FBLN2: variants seen among roughly 807,000 people sequenced by gnomAD.
FBLN2 encodes the protein fibulin-2.
In FBLN2, 81 loss-of-function variants were observed where a neutral mutation model predicts 123.7. The observed-to-expected ratio is 0.65, with a 90% CI of 0.55 to 0.79. The LOEUF (loss-of-function observed/expected upper bound fraction) is 0.79, where lower values mean the gene tolerates loss of function less well. Ranked by LOEUF, FBLN2 falls within the 30% of genes least tolerant of loss-of-function variation. The probability of loss-of-function intolerance (pLI) is 0.00; values close to 1 mark genes in which losing one functional copy is unlikely to be tolerated. For missense variants in FBLN2, 1,603 were observed against 1,681.3 expected (o/e 0.95, Z 0.81); for synonymous variants, 699 against 701.4 (o/e 1.00, Z 0.05).
intron 1 of FBLN2, among the ~76,000 whole-genome samples, chr3:13,564,319 A>G (rs1574945351): frequency 6.6e-6 from 1 of 152,208 alleles, no homozygotes; most frequent in Middle Eastern, 3.4e-3. Context: ...CCCTGCTGCC[A>G]TCCCTAGCAG....
At chr3:13,630,052 C>T in intron 14 of FBLN2, 107 bp downstream of exon 14, 2 of 1,468,780 alleles carry the variant, frequency 1.4e-6, no homozygotes, top group Non-Finnish European at 1.8e-6. Context: ...TACACCTTCA[C>T]CCTCACACCT....
chr3:13,637,544 G>C lies in FBLN2; in HGVS notation c.3339-18G>C. 1.3e-6 allele frequency: 2 copies of C among 1,579,192 alleles called. No homozygotes were observed. The highest frequency in any genetic ancestry group is 1.7e-6 in the Non-Finnish European group (2 of 1,158,914). On this transcript the variant is annotated intron_variant, in intron 17 of 17. Coordinates refer to ENST00000404922, the MANE Select transcript of FBLN2 (RefSeq NM_001004019.2). ...GGGGTGGGCGAGCTGTGGGTGACCC[G>C]GCCTATCCTCCCTGCAGGAAGTGCG...
chr3:13,601,731 G>A (rs12634469), intron 2 of FBLN2, among the ~76,000 whole-genome samples: 17,959 of 152,268 alleles, frequency 0.12, 1,212 homozygotes, highest in East Asian at 0.35. Flanking sequence ...CATTGCAAAG[G>A]AGGAAACAGA....
intron 2 of FBLN2, among the ~76,000 whole-genome samples, chr3:13,573,867 T>C (rs1574952846): frequency 7.9e-6 from 1 of 127,024 alleles, no homozygotes; most frequent in African/African-American, 3.2e-5. Context: ...GCCATTGCAC[T>C]CCAGCCTGGG....
chr3:13,615,958 C>T (rs1705586914), intron 5 of FBLN2, among the ~76,000 whole-genome samples: 1 of 152,224 alleles, frequency 6.6e-6, no homozygotes, highest in Non-Finnish European at 1.5e-5. Flanking sequence ...CTGCTGTCCA[C>T]AGGTGCCAGG....
At position 13,619,769 on chromosome 3, in the gene FBLN2, G is replaced by A. The variant is rs201170077; in HGVS notation, c.2093G>A (p.Gly698Asp). The stretch of plus-strand genomic sequence containing the variant: ...AAGCAGGTGTGCAGCACTGTTGGGG[G>A]CTCAGCCATATGCTCCTGTTTTCCC... ...PCKQVCSTVG[G>D]SAICSCFPGY... is the part of the protein sequence containing the mutation. Residue 698 changes from glycine (G) to aspartate (D), a missense_variant, in exon 8 of 18, where the codon GGC (glycine) becomes GAC (aspartate). By Grantham distance (94) the Gly-to-Asp change is moderately conservative. Coordinates refer to ENST00000404922, the MANE Select transcript of FBLN2 (RefSeq NM_001004019.2). The A allele has an allele frequency of 7.9e-5, 128 of 1,613,202 alleles. No individual in the cohort carries two copies. In the African/African-American group the frequency reaches 1.5e-3, roughly 19 times the overall value.
intron 16 of FBLN2, among the ~76,000 whole-genome samples, chr3:13,635,402 A>C (rs1405515221): frequency 6.7e-6 from 1 of 149,674 alleles, no homozygotes; most frequent in East Asian, 1.9e-4. Context: ...ACACACACCC[A>C]CACACACCCC....
At chr3:13,573,817 C>A (rs1033034772) in intron 2 of FBLN2, among the ~76,000 whole-genome samples, 11 of 150,064 alleles carry the variant, frequency 7.3e-5, no homozygotes, top group African/African-American at 2.7e-4. Flanking sequence ...GCAGGAGAAT[C>A]ACCACCTGGG....
intron 5 of FBLN2, among the ~76,000 whole-genome samples, chr3:13,614,999 TC>T (rs2124888440): frequency 6.6e-6 from 1 of 152,126 alleles, no homozygotes; most frequent in South Asian, 2.1e-4. Context: ...CATCCATCCA[TC>T]CATCCATCCA....
intron 2 of FBLN2, among the ~76,000 whole-genome samples, chr3:13,592,264 A>C (rs903658822): frequency 2.0e-5 from 3 of 151,628 alleles, no homozygotes; most frequent in Non-Finnish European, 4.4e-5. Context: ...GACCTCAAGC[A>C]ATCCACCCAC....
chr3:13,632,342 G>T (rs1706285338), intron 16 of FBLN2, among the ~76,000 whole-genome samples: 1 of 152,230 alleles, frequency 6.6e-6, no homozygotes, highest in Non-Finnish European at 1.5e-5. Flanking sequence ...CTCACACATG[G>T]AGCTGAGAAC....
intron 2 of FBLN2, among the ~76,000 whole-genome samples, chr3:13,581,513 G>GT (rs1704327728): frequency 6.6e-6 from 1 of 152,066 alleles, no homozygotes; most frequent in Non-Finnish European, 1.5e-5. Context: ...TATGCGTGCC[G>GT]TAAACCTCAA....
chr3:13,627,711 C>A, intron 10 of FBLN2, 121 bp from the exon 11 acceptor site: 3 of 1,298,372 alleles, frequency 2.3e-6, no homozygotes, highest in Non-Finnish European at 3.1e-6. Context: ...GCCAGCTTCC[C>A]AGGGAGATCT....
intron 1 of FBLN2, among the ~76,000 whole-genome samples, chr3:13,550,782 A>T (rs570790333): frequency 1.2e-4 from 19 of 152,174 alleles, no homozygotes; most frequent in Non-Finnish European, 2.6e-4. Flanking sequence ...GAGCTGTGTG[A>T]TGGGGGTGAG....
At chr3:13,614,369 T>C (rs1435792871) in intron 5 of FBLN2, among the ~76,000 whole-genome samples, 1 of 152,110 alleles carries the variant, frequency 6.6e-6, no homozygotes, top group Non-Finnish European at 1.5e-5. Context: ...CATCACCCTT[T>C]CACTGTCCAC....
intron 16 of FBLN2, among the ~76,000 whole-genome samples, chr3:13,632,137 G>A (rs2124910772): frequency 6.6e-6 from 1 of 152,344 alleles, no homozygotes; most frequent in Non-Finnish European, 1.5e-5. Context: ...TCTAAGTTCA[G>A]TGCCATTTGC....
Position 13,626,566 on chromosome 3 carries a change from T to A in FBLN2, c.2418T>A (p.Asp806Glu). The A allele has an allele frequency of 6.5e-7, 1 of 1,548,676 alleles. No individual in the cohort carries two copies. The highest frequency in any genetic ancestry group is 8.7e-7 in the Non-Finnish European group (1 of 1,145,046). ...LTCEPGYALKDGECEDVDECA... is the reference protein window; with the variant it reads ...LTCEPGYALKEGECEDVDECA... ...GTGAGCCAGGCTATGCCCTCAAGGA[T>A]GGCGAGTGCGAAGGTGAGAAGGGCC... The change falls in exon 10 of 18, where the codon GAT becomes GAA. Residue 806 changes from aspartate to glutamate, a missense_variant. Asp to Glu is a conservative substitution (Grantham distance 45, BLOSUM62 2). Transcript: ENST00000404922.
At chr3:13,565,298 C>T (rs892801972) in intron 1 of FBLN2, among the ~76,000 whole-genome samples, 12 of 152,248 alleles carry the variant, frequency 7.9e-5, no homozygotes, top group African/African-American at 2.9e-4. Flanking sequence ...CTGGTCCTGT[C>T]TGGAGCCTGC....
chr3:13,607,929 A>T lies in FBLN2; in HGVS notation c.1307-133A>T, dbSNP rs1705261201. ...AAAGACAGTTGTGTTGTGAGCTGTTAGCGACCAGCATGCACAGCAGCAGGG... is the reference window on the plus strand; with the variant it reads ...AAAGACAGTTGTGTTGTGAGCTGTTTGCGACCAGCATGCACAGCAGCAGGG... On this transcript the variant is annotated intron_variant, in intron 2 of 17. Transcript: ENST00000404922. 4.6e-6 allele frequency: 3 copies of T among 654,256 alleles called. No homozygotes were observed. In the African/African-American group the frequency reaches 5.4e-5, roughly 12 times the overall value. The allele number at this position is 654,256 out of a possible 1,614,324, so 40.5% of individuals were successfully genotyped here.
Sources: gnomAD v4.1 joint callset for allele counts (sites outside exome capture counted in the v4.1 genomes callset) on GRCh38, gnomAD v4.1.1 for gene constraint, MANE v1.5 for transcripts, NCBI Gene and HGNC (gene_info 2026-07-23, HGNC 2026-07-21) for gene names.